Variants in NLGN4Y observed in about 807,000 individuals in gnomAD.
NLGN4Y encodes the protein neuroligin-4, Y-linked.
NLGN4Y carries 4 observed loss-of-function variants against 8.4 expected under a neutral mutation model. That is an observed-to-expected ratio of 0.48 (90% CI 0.23 to 1.09). The LOEUF is 1.09. NLGN4Y is among the 50% of genes least tolerant of loss of function. The probability of loss-of-function intolerance (pLI) is 0.19; values close to 1 mark genes in which losing one functional copy is unlikely to be tolerated. For missense variants in NLGN4Y, 90 were observed against 192.3 expected, an observed-to-expected ratio of 0.47 and a Z score of 3.15; for synonymous variants, 35 against 75.6, an observed-to-expected ratio of 0.46 and a Z score of 2.78.
At chrY:14,677,341 C>A in intron 2 of NLGN4Y, among the ~76,000 whole-genome samples, 1 of 32,930 alleles carries the variant, frequency 3.0e-5, no homozygotes. Context: ...GAGTGGCCCC[C>A]TTTTTACCAC....
At chrY:14,744,904 G>A in intron 4 of NLGN4Y, among the ~76,000 whole-genome samples, 1 of 33,252 alleles carries the variant, frequency 3.0e-5, no homozygotes, top group Non-Finnish European at 7.4e-5. Context: ...CTCCCCAGGG[G>A]AAGAAGAGGA....
chrY:14,673,622 T>G (rs1306429241), intron 2 of NLGN4Y, among the ~76,000 whole-genome samples: 9 of 33,639 alleles, frequency 2.7e-4, no homozygotes, highest in Admixed American at 1.6e-3. Context: ...TCAGTGTGGC[T>G]ATTCCTCAGG....
chrY:14,715,862 G>T (rs2080913997), intron 2 of NLGN4Y, among the ~76,000 whole-genome samples: 3 of 32,738 alleles, frequency 9.2e-5, no homozygotes, highest in Non-Finnish European at 1.5e-4. Context: ...TTGGATTAAT[G>T]ATATATAATT....
chrY:14,543,161 A>G, intron 1 of NLGN4Y, among the ~76,000 whole-genome samples: 4 of 33,906 alleles, frequency 1.2e-4, no homozygotes, highest in African/African-American at 4.6e-4. Context: ...ACATTGCTGT[A>G]AAATATAGGA....
At chrY:14,671,250 G>C (rs767498505) in intron 2 of NLGN4Y, among the ~76,000 whole-genome samples, 1 of 33,652 alleles carries the variant, frequency 3.0e-5, no homozygotes, top group African/African-American at 1.2e-4. Flanking sequence ...TGTTGCATGA[G>C]CCTGGTGTGG....
At chrY:14,660,851 C>G in intron 2 of NLGN4Y, among the ~76,000 whole-genome samples, 1 of 33,217 alleles carries the variant, frequency 3.0e-5, no homozygotes, top group Non-Finnish European at 7.4e-5. Context: ...GGGCATTTGG[C>G]TACACACCTG....
chrY:14,698,647 C>A (rs941214320), intron 2 of NLGN4Y, among the ~76,000 whole-genome samples: 3 of 32,782 alleles, frequency 9.2e-5, no homozygotes, highest in Non-Finnish European at 2.3e-4. Context: ...ATAAAATAAT[C>A]CCTGAGGAGA....
At chrY:14,702,422 T>C (rs2080854854) in intron 2 of NLGN4Y, among the ~76,000 whole-genome samples, 2 of 32,215 alleles carry the variant, frequency 6.2e-5, no homozygotes, top group Non-Finnish European at 1.5e-4. Context: ...GTTTGGTTTT[T>C]TGTCCTTGCG....
intron 2 of NLGN4Y, among the ~76,000 whole-genome samples, chrY:14,685,812 A>G (rs2080787770): frequency 3.0e-5 from 1 of 33,126 alleles, no homozygotes; most frequent in Admixed American, 2.8e-4. Flanking sequence ...TATGGACAAT[A>G]TTGCTTACAA....
intron 2 of NLGN4Y, chrY:14,639,352 T>C: frequency 1.2e-5 from 2 of 163,498 alleles, no homozygotes; most frequent in Middle Eastern, 1.7e-3. Context: ...AATGCTGCCC[T>C]GATTTTACAT....
At chrY:14,804,545 A>G in intron 4 of NLGN4Y, among the ~76,000 whole-genome samples, 1 of 33,777 alleles carries the variant, frequency 3.0e-5, no homozygotes, top group Admixed American at 2.7e-4. Flanking sequence ...GGCACCACGA[A>G]GAACTCAGAC....
intron 4 of NLGN4Y, among the ~76,000 whole-genome samples, chrY:14,793,410 A>G: frequency 3.0e-5 from 1 of 33,718 alleles, no homozygotes; most frequent in African/African-American, 1.2e-4. Flanking sequence ...GACCACTGGT[A>G]AAATTTACAA....
intron 4 of NLGN4Y, among the ~76,000 whole-genome samples, chrY:14,730,237 A>G (rs2080967478): frequency 3.1e-5 from 1 of 32,111 alleles, no homozygotes. Flanking sequence ...GTAAAACCCC[A>G]TGTCTACTAA....
intron 2 of NLGN4Y, among the ~76,000 whole-genome samples, chrY:14,716,909 A>T: frequency 2.9e-5 from 1 of 34,182 alleles, no homozygotes; most frequent in Admixed American, 2.6e-4. Context: ...GAGAGTATAC[A>T]TGAGAAGATA....
intron 1 of NLGN4Y, among the ~76,000 whole-genome samples, chrY:14,540,695 G>A (rs2080146821): frequency 3.0e-5 from 1 of 33,612 alleles, no homozygotes; most frequent in Admixed American, 2.7e-4. Flanking sequence ...GGTGTGGGAT[G>A]AACCTGGAGC....
chrY:14,784,314 A>G (rs1603503978), intron 4 of NLGN4Y, among the ~76,000 whole-genome samples: 6 of 33,972 alleles, frequency 1.8e-4, no homozygotes, highest in African/African-American at 4.6e-4. Flanking sequence ...ATACCATTTA[A>G]CCCAGCAATC....
At chrY:14,758,587 G>A (rs775949459) in intron 4 of NLGN4Y, among the ~76,000 whole-genome samples, 10 of 33,631 alleles carry the variant, frequency 3.0e-4, no homozygotes, top group East Asian at 1.6e-3. Context: ...TGTGCCAGGC[G>A]TCTAGATAGA....
At chrY:14,598,883 GTA>G (rs756147894) in intron 1 of NLGN4Y, among the ~76,000 whole-genome samples, 8 of 13,483 alleles carry the variant, frequency 5.9e-4, no homozygotes, top group East Asian at 2.0e-3. Flanking sequence ...AATAGGAGAT[GTA>G]TATATATATA....
chrY:14,728,924 T>C, intron 4 of NLGN4Y, among the ~76,000 whole-genome samples: 1 of 33,554 alleles, frequency 3.0e-5, no homozygotes, highest in Non-Finnish European at 7.4e-5. Flanking sequence ...ATCTATATTG[T>C]ATCACAACAA....
Sources: gnomAD v4.1 joint callset for allele counts (sites outside exome capture counted in the v4.1 genomes callset) on GRCh38, gnomAD v4.1.1 for gene constraint, MANE v1.5 for transcripts, NCBI Gene and HGNC (gene_info 2026-07-23, HGNC 2026-07-21) for gene names.